Variants in PIK3C2G observed in about 807,000 individuals in gnomAD.
The protein encoded by PIK3C2G is phosphatidylinositol-4-phosphate 3-kinase catalytic subunit type 2 gamma, also known as phosphatidylinositol 3-kinase C2 domain-containing subunit gamma.
Under a neutral mutation model 181.1 loss-of-function variants are expected in PIK3C2G, and 168 were observed. That is an observed-to-expected ratio of 0.93 (90% CI 0.82 to 1.05). PIK3C2G has a LOEUF of 1.05. Among genes scored for constraint, PIK3C2G ranks in the 50% least tolerant of loss-of-function variants. The probability of loss-of-function intolerance (pLI) is 0.00; values close to 1 mark genes in which losing one functional copy is unlikely to be tolerated. For missense variants in PIK3C2G, 1,869 were observed against 1,732.8 expected, an observed-to-expected ratio of 1.08 and a Z score of -1.40; for synonymous variants, 573 against 592.2, an observed-to-expected ratio of 0.97 and a Z score of 0.47.
chr12:18,620,996 C>T (rs368335901), intron 31 of PIK3C2G, among the ~76,000 whole-genome samples: 1 of 152,026 alleles, frequency 6.6e-6, no homozygotes, highest in Non-Finnish European at 1.5e-5. Context: ...TTAGTAAGTT[C>T]TTCTTTTTCA....
At chr12:18,685,666 G>A in the PIK3C2G span, 4 of 515,680 alleles carry the variant, frequency 7.8e-6, no homozygotes, top group African/African-American at 5.8e-5. Context: ...GACCTAAGAA[G>A]AGAAATAATT....
At chr12:18,570,423 G>A (rs1321715588) in intron 29 of PIK3C2G, among the ~76,000 whole-genome samples, 1 of 149,672 alleles carries the variant, frequency 6.7e-6, no homozygotes, top group Non-Finnish European at 1.5e-5. Context: ...TAGCCAGGCT[G>A]GTCTTGAACT....
intron 24 of PIK3C2G, among the ~76,000 whole-genome samples, chr12:18,505,791 C>T (rs529925923): frequency 1.3e-5 from 2 of 152,126 alleles, no homozygotes; most frequent in Non-Finnish European, 2.9e-5. Flanking sequence ...TTGATGATCT[C>T]AAAACATCTG....
At chr12:18,249,333 A>G (rs1050278255) in intron 1 of PIK3C2G, among the ~76,000 whole-genome samples, 5 of 152,228 alleles carry the variant, frequency 3.3e-5, no homozygotes, top group African/African-American at 1.2e-4. Flanking sequence ...AATTGAAGAT[A>G]GTTTGATACT....
At chr12:18,483,408 C>A (rs1372094123) in intron 18 of PIK3C2G, among the ~76,000 whole-genome samples, 1 of 152,052 alleles carries the variant, frequency 6.6e-6, no homozygotes, top group Non-Finnish European at 1.5e-5. Context: ...TTAAATGAGT[C>A]AAGAAGTATG....
chr12:18,523,112 C>A (rs1943020334), intron 24 of PIK3C2G, among the ~76,000 whole-genome samples: 1 of 151,740 alleles, frequency 6.6e-6, no homozygotes, highest in Admixed American at 6.6e-5. Flanking sequence ...TTTTATATTT[C>A]TTTGTAAGAT....
At chr12:18,490,589 G>A (rs544435566) in intron 19 of PIK3C2G, among the ~76,000 whole-genome samples, 1 of 151,944 alleles carries the variant, frequency 6.6e-6, no homozygotes, top group African/African-American at 2.4e-5. Flanking sequence ...TAGTTCAATT[G>A]TTTTAAATTT....
At chr12:18,540,464 A>G (rs1355178473) in intron 25 of PIK3C2G, among the ~76,000 whole-genome samples, 1 of 151,894 alleles carries the variant, frequency 6.6e-6, no homozygotes, top group African/African-American at 2.4e-5. Flanking sequence ...GCTCTTTCAG[A>G]AAGCTATCAG....
chr12:18,656,075 G>A, the PIK3C2G span, among the ~76,000 whole-genome samples: 1 of 152,178 alleles, frequency 6.6e-6, no homozygotes, highest in Non-Finnish European at 1.5e-5. Context: ...TACTAGTAAA[G>A]GAGAGTGACA....
the PIK3C2G span, among the ~76,000 whole-genome samples, chr12:18,724,395 C>G: frequency 6.6e-6 from 1 of 151,974 alleles, no homozygotes; most frequent in African/African-American, 2.4e-5. Flanking sequence ...ACTATAGTAT[C>G]ACTAACAAAT....
chr12:18,468,026 A>G (rs1938083318), intron 18 of PIK3C2G, among the ~76,000 whole-genome samples: 1 of 152,034 alleles, frequency 6.6e-6, no homozygotes, highest in African/African-American at 2.4e-5. Context: ...TAAACTGCCA[A>G]TCAAATGACA....
In PIK3C2G at chr12:18,562,815, C is replaced by T; in HGVS notation, c.3703C>T (p.Gln1235Ter). The T allele has an allele frequency of 6.2e-7, 1 of 1,607,890 alleles. No homozygotes were observed. Among genetic ancestry groups the T allele is most frequent in the Non-Finnish European group, 8.5e-7 (1 of 1,176,612 alleles). Residue 1235 changes from glutamine to a stop codon, truncating the protein, a stop_gained, in exon 27 of 33, where the codon CAG becomes TAG. Transcript: ENST00000538779. LOFTEE classifies it high-confidence loss of function. Reference sequence around the variant, plus strand: ...CAAATCTACTTCACAGACTTTTCCTCAGGAATCCTGTTTGCTGAGTACAAC... The same window carrying T: ...CAAATCTACTTCACAGACTTTTCCTTAGGAATCCTGTTTGCTGAGTACAAC... ...PAKSTSQTFP[Q>*]ESCLLSTTRS...
At chr12:18,381,705 T>A (rs943449519) in intron 13 of PIK3C2G, 61 bp from the exon 14 acceptor site, 4 of 947,946 alleles carry the variant, frequency 4.2e-6, no homozygotes, top group Non-Finnish European at 6.9e-6. Flanking sequence ...CATTTACAGA[T>A]AATTATAACT....
the PIK3C2G span, among the ~76,000 whole-genome samples, chr12:18,710,498 C>A: frequency 2.0e-5 from 3 of 151,874 alleles, no homozygotes; most frequent in African/African-American, 4.8e-5. Context: ...CAAATTTCAG[C>A]TTTTATTTTG....
intron 11 of PIK3C2G, among the ~76,000 whole-genome samples, chr12:18,354,368 A>G (rs1038078301): frequency 5.3e-5 from 8 of 152,130 alleles, no homozygotes; most frequent in Admixed American, 1.3e-4. Flanking sequence ...GACGGGGAGA[A>G]CCCGGAGGAG....
At chr12:18,365,845 T>C (rs1397974738) in intron 12 of PIK3C2G, among the ~76,000 whole-genome samples, 1 of 152,206 alleles carries the variant, frequency 6.6e-6, no homozygotes, top group Non-Finnish European at 1.5e-5. Flanking sequence ...ACTCCACCTA[T>C]GGATGGCCAT....
Position 18,393,644 on chromosome 12 carries a change from T to C in PIK3C2G, c.2126+2392T>C, listed in dbSNP as rs760457032. Reference sequence around the variant, plus strand: ...TAGATTAGTACTTCTACTTCTACCATGAAGAATACCTAGTGCAAGACTAAC... The same window carrying C: ...TAGATTAGTACTTCTACTTCTACCACGAAGAATACCTAGTGCAAGACTAAC... On this transcript the variant is annotated intron_variant, in intron 15 of 32. Coordinates refer to ENST00000538779, the MANE Select transcript of PIK3C2G (RefSeq NM_001288772.2). 4.5e-4 allele frequency among the ~76,000 whole-genome samples: 68 copies of C among 152,060 alleles called. 1 individual carries two copies. The highest frequency in any genetic ancestry group is 9.0e-4 in the Non-Finnish European group (61 of 67,962).
rs539691328 is a variant in PIK3C2G at position 18,399,795 on chromosome 12, A to G, written c.2263A>G (p.Arg755Gly). 1 of 1,605,644 alleles carries G rather than the reference A, an allele frequency of 6.2e-7. No individual in the cohort carries two copies. The highest frequency in any genetic ancestry group is 1.7e-5 in the Admixed American group (1 of 59,924). Residue 755 changes from arginine (R) to glycine (G), a missense_variant, in exon 16 of 33, where the codon AGA (arginine) becomes GGA (glycine). By Grantham distance (125) the Arg-to-Gly change is moderately radical. Coordinates refer to ENST00000538779, the MANE Select transcript of PIK3C2G (RefSeq NM_001288772.2). ...RTVSEMHTIL[R>G]RWTFSQPLEA... is the part of the protein sequence containing the mutation. ...TGTTTCAGAAATGCATACCATTTTG[A>G]GAAGATGGACATTTTCTCAACCTTT...
chr12:18,344,089 A>C (rs1055706006), intron 10 of PIK3C2G, among the ~76,000 whole-genome samples: 2 of 152,158 alleles, frequency 1.3e-5, no homozygotes, highest in South Asian at 4.1e-4. Flanking sequence ...ACAATATAAT[A>C]GGATTTAATG....
Sources: allele counts gnomAD v4.1 joint callset (sites outside exome capture counted in the v4.1 genomes callset), GRCh38; gene constraint gnomAD v4.1.1; transcripts MANE v1.5; gene names NCBI Gene and HGNC (gene_info 2026-07-23, HGNC 2026-07-21).